The following TECPR2 variants were observed in gnomAD, a reference collection of about 807,000 sequenced individuals.
TECPR2 encodes the protein tectonin beta-propeller repeat containing 2.
In TECPR2, 65 loss-of-function variants were observed where a neutral mutation model predicts 138.1. That is an observed-to-expected ratio of 0.47 (90% CI 0.39 to 0.58). The LOEUF is 0.58. Among genes scored for constraint, TECPR2 ranks in the 20% least tolerant of loss-of-function variants. The pLI is 0.00. For synonymous variants in TECPR2, 746 were observed against 749.8 expected (o/e 0.99, Z 0.08); for missense variants, 1,553 against 1,824.5 (o/e 0.85, Z 2.71).
In TECPR2 at chr14:102,435,260, G is replaced by C. The variant is rs751135622; in HGVS notation, c.2394+49G>C. 7 of 1,535,468 alleles carry C rather than the reference G, an allele frequency of 4.6e-6. No individual in the cohort carries two copies. The South Asian group carries it at 6.1e-5, about 13-fold the overall frequency. ...AAAGTAGCTGAGGCTTCTTTCTTAAGGGTAATAATTGTCAAGACTGATTAT... is the reference window on the plus strand; with the variant it reads ...AAAGTAGCTGAGGCTTCTTTCTTAACGGTAATAATTGTCAAGACTGATTAT... On this transcript the variant is annotated intron_variant, in intron 9 of 19. Coordinates refer to ENST00000359520, the MANE Select transcript of TECPR2 (RefSeq NM_014844.5).
intron 16 of TECPR2, among the ~76,000 whole-genome samples, chr14:102,457,782 A>G (rs1890309666): frequency 6.6e-6 from 1 of 150,932 alleles, no homozygotes; most frequent in Non-Finnish European, 1.5e-5. Flanking sequence ...CAGTGACTGC[A>G]TTTGAGGATG....
chr14:102,465,518 T>G, intron 17 of TECPR2: 1 of 1,243,108 alleles, frequency 8.0e-7, no homozygotes, highest in African/African-American at 1.5e-5. Context: ...AACACGTATA[T>G]TTTCTCTTTC....
Position 102,408,471 on chromosome 14 carries a change from T to C in TECPR2, c.349-17T>C. ...TCCTTTTTTTTTCTTGTGTATATTT[T>C]TATCCCTTGTTCATAGCTTCGGAGA... On this transcript the variant is annotated splice_polypyrimidine_tract_variant and intron_variant, in intron 3 of 19. Transcript: ENST00000359520. 6.3e-7 allele frequency: 1 copy of C among 1,591,248 alleles called. No homozygotes were observed. The highest frequency in any genetic ancestry group is 8.5e-7 in the Non-Finnish European group (1 of 1,173,730).
intron 17 of TECPR2, among the ~76,000 whole-genome samples, chr14:102,473,857 G>A (rs1344846585): frequency 6.6e-6 from 1 of 152,192 alleles, no homozygotes; most frequent in Non-Finnish European, 1.5e-5. Flanking sequence ...TTCACATTCT[G>A]TGTGCCCCAT....
At chr14:102,395,152 A>G (rs940168477) in intron 2 of TECPR2, among the ~76,000 whole-genome samples, 5 of 152,222 alleles carry the variant, frequency 3.3e-5, no homozygotes, top group African/African-American at 1.2e-4. Flanking sequence ...GTACCAGATG[A>G]AAGTGAGCTC....
At chr14:102,423,722 C>G (rs1322389739) in intron 5 of TECPR2, among the ~76,000 whole-genome samples, 2 of 152,122 alleles carry the variant, frequency 1.3e-5, no homozygotes, top group Non-Finnish European at 2.9e-5. Context: ...TGACCTGTGA[C>G]TCTATATATA....
intron 2 of TECPR2, among the ~76,000 whole-genome samples, chr14:102,386,014 A>C (rs1208089580): frequency 6.6e-6 from 1 of 152,166 alleles, no homozygotes; most frequent in Non-Finnish European, 1.5e-5. Context: ...GTACCTACAA[A>C]AACTTTTTAA....
At chr14:102,440,105 C>T (rs1889788942) in intron 10 of TECPR2, among the ~76,000 whole-genome samples, 2 of 152,206 alleles carry the variant, frequency 1.3e-5, no homozygotes, top group Admixed American at 6.5e-5. Flanking sequence ...GTGTGAGGAG[C>T]GCCTGTCATG....
chr14:102,473,444 T>C (rs1328521616), intron 17 of TECPR2, among the ~76,000 whole-genome samples: 2 of 152,254 alleles, frequency 1.3e-5, no homozygotes, highest in Non-Finnish European at 2.9e-5. Flanking sequence ...GTTCTACATC[T>C]TTCCACTTTG....
At chr14:102,382,563 G>A (rs1180537863) in intron 2 of TECPR2, among the ~76,000 whole-genome samples, 1 of 152,098 alleles carries the variant, frequency 6.6e-6, no homozygotes, top group Non-Finnish European at 1.5e-5. Flanking sequence ...AGCCAACTTG[G>A]TCTAATTCAC....
intron 18 of TECPR2, 54 bp downstream of exon 18, chr14:102,497,174 T>TG (rs1467200442): frequency 6.3e-7 from 1 of 1,576,236 alleles, no homozygotes; most frequent in African/African-American, 1.3e-5. Context: ...CTACCATCAC[T>TG]GGGGGCTGCT....
At chr14:102,487,832 C>G (rs148742107) in intron 17 of TECPR2, among the ~76,000 whole-genome samples, 2 of 150,790 alleles carry the variant, frequency 1.3e-5, no homozygotes, top group Non-Finnish European at 3.0e-5. Context: ...TGAGCCACCA[C>G]GCCCGGCCTG....
chr14:102,468,177 A>G (rs537484429), intron 17 of TECPR2, among the ~76,000 whole-genome samples: 26 of 146,958 alleles, frequency 1.8e-4, no homozygotes, highest in Admixed American at 8.2e-4. Context: ...AAATTGTGTT[A>G]TCTTTTACTG....
chr14:102,392,803 A>G (rs1028293343), intron 2 of TECPR2, among the ~76,000 whole-genome samples: 4 of 152,202 alleles, frequency 2.6e-5, no homozygotes, highest in Non-Finnish European at 4.4e-5. Flanking sequence ...TTGGAGTGCT[A>G]CCAACATAGA....
chr14:102,378,697 T>C (rs1887707432), intron 2 of TECPR2, among the ~76,000 whole-genome samples: 1 of 152,148 alleles, frequency 6.6e-6, no homozygotes, highest in African/African-American at 2.4e-5. Context: ...TGATCTCGGC[T>C]CACTGCAACC....
chr14:102,491,846 G>A (rs1424805932), intron 17 of TECPR2, among the ~76,000 whole-genome samples: 1 of 152,230 alleles, frequency 6.6e-6, no homozygotes, highest in East Asian at 1.9e-4. Context: ...TGGCAGTTCT[G>A]GGTGGGCAGA....
intron 17 of TECPR2, among the ~76,000 whole-genome samples, chr14:102,472,478 A>ATT (rs1890671783): frequency 6.6e-6 from 1 of 152,208 alleles, no homozygotes; most frequent in African/African-American, 2.4e-5. Context: ...TAAAGTAGTG[A>ATT]TTGCTAAATG....
chr14:102,365,549 C>T (rs1253715284), intron 1 of TECPR2, among the ~76,000 whole-genome samples: 2 of 152,134 alleles, frequency 1.3e-5, no homozygotes, highest in Admixed American at 6.5e-5. Context: ...TAAAAAGGAA[C>T]GAAGTACTGA....
intron 17 of TECPR2, among the ~76,000 whole-genome samples, chr14:102,475,319 T>C (rs1414013767): frequency 6.6e-6 from 1 of 152,144 alleles, no homozygotes; most frequent in Non-Finnish European, 1.5e-5. Flanking sequence ...AGGGGCTGTA[T>C]TGGGAGACTG....
Sources: allele counts gnomAD v4.1 joint callset (sites outside exome capture counted in the v4.1 genomes callset), GRCh38; gene constraint gnomAD v4.1.1; transcripts MANE v1.5; gene names NCBI Gene and HGNC (gene_info 2026-07-23, HGNC 2026-07-21).